PAXIP1: variants seen among roughly 807,000 people sequenced by gnomAD.
PAXIP1 encodes PAX-interacting protein 1.
In PAXIP1, 19 loss-of-function variants were observed where a neutral mutation model predicts 140.6. The observed-to-expected ratio is 0.14, with a 90% CI of 0.09 to 0.20. PAXIP1 has a LOEUF of 0.20. PAXIP1 is among the 10% of genes least tolerant of loss of function. The pLI is 1.00. For synonymous variants in PAXIP1, 442 were observed against 444.6 expected (o/e 0.99, Z 0.07); for missense variants, 920 against 1,208.6 (o/e 0.76, Z 3.54).
chr7:155,002,900 C>T lies in PAXIP1; in HGVS notation c.30G>A (p.Glu10=). The T allele has an allele frequency of 7.2e-7, 1 of 1,390,234 alleles. No individual in the cohort carries two copies. Among genetic ancestry groups the T allele is most frequent in the Non-Finnish European group, 9.5e-7 (1 of 1,049,082 alleles). The allele number at this position is 1,390,234 out of a possible 1,614,324, so 86.1% of individuals were successfully genotyped here. The change falls in exon 1 of 21, where the codon GAG becomes GAA. Residue 10 remains glutamate (E), a synonymous_variant. Coordinates refer to ENST00000404141, the MANE Select transcript of PAXIP1 (RefSeq NM_007349.4). ...AATACTTGACCTCCCTGAACATCTC[C>T]TCAGGAACTTTGGGCGCCTGGTCCG... The part of the protein sequence containing the change: MSDQAPKVP[E]EMFREVKYYA...
In PAXIP1 at chr7:154,973,164, T is replaced by C. The variant is rs1054735920; in HGVS notation, c.1074+2532A>G. 6.6e-6 allele frequency among the ~76,000 whole-genome samples: 1 copy of C among 152,208 alleles called. No individual in the cohort carries two copies. The highest frequency in any genetic ancestry group is 2.4e-5 in the African/African-American group (1 of 41,464). ...TGGACAATCCCTGGCCTTGCAGCTC[T>C]TGGACCTCCTCATCTTGGTGGCCTT... On this transcript the variant is annotated intron_variant, in intron 6 of 20. Coordinates refer to ENST00000404141, the MANE Select transcript of PAXIP1 (RefSeq NM_007349.4). This position sits in a 1 kb window ranked among gnomAD's most constrained non-coding sequence, Gnocchi z 4.0.
At chr7:154,987,679 G>A (rs138028637) in intron 4 of PAXIP1, among the ~76,000 whole-genome samples, 30 of 152,254 alleles carry the variant, frequency 2.0e-4, no homozygotes, top group Non-Finnish European at 2.4e-4. Context: ...CTCCTTCAGC[G>A]GTGCTGCCAC....
chr7:154,962,462 T>TCAAA lies in PAXIP1; in HGVS notation c.1990-8_1990-5dup. 6.2e-7 allele frequency: 1 copy of TCAAA among 1,611,030 alleles called. No homozygotes were observed. Among genetic ancestry groups the TCAAA allele is most frequent in the East Asian group, 2.2e-5 (1 of 44,858 alleles). On this transcript the variant is annotated splice_polypyrimidine_tract_variant and splice_region_variant and intron_variant, in intron 9 of 20. Coordinates refer to ENST00000404141, the MANE Select transcript of PAXIP1 (RefSeq NM_007349.4). The stretch of plus-strand genomic sequence containing the variant: ...ATCTCTTTCTTTCTCTTATTGCCTG[T>TCAAA]CAAACATAAAATTATAGGTTTGTTG...
intron 2 of PAXIP1, 129 bp from the exon 3 acceptor site, chr7:154,993,898 G>C: frequency 1.5e-6 from 1 of 645,448 alleles, no homozygotes; most frequent in South Asian, 2.0e-5. Flanking sequence ...TTACAAGTAT[G>C]AATATTCAAA....
At chr7:154,999,336 G>A (rs1279393188) in intron 1 of PAXIP1, among the ~76,000 whole-genome samples, 2 of 152,214 alleles carry the variant, frequency 1.3e-5, no homozygotes, top group East Asian at 3.8e-4. Flanking sequence ...AAAAAAGTCT[G>A]TGCTTCATTC....
intron 16 of PAXIP1, chr7:154,951,441 G>A (rs1808272352): frequency 6.6e-6 from 1 of 152,140 alleles, no homozygotes; most frequent in East Asian, 1.9e-4. Context: ...TGTACTTTCT[G>A]TAATTTTGCT....
At chr7:154,993,026 G>T (rs1810420704) in intron 3 of PAXIP1, among the ~76,000 whole-genome samples, 1 of 152,202 alleles carries the variant, frequency 6.6e-6, no homozygotes, top group Admixed American at 6.5e-5. Flanking sequence ...TCAGGTACTT[G>T]CAAAAGAAAT....
intron 20 of PAXIP1, chr7:154,945,590 G>C (rs1807922998): frequency 1.0e-6 from 1 of 983,936 alleles, no homozygotes; most frequent in African/African-American, 1.8e-5. Flanking sequence ...ACTGGTCAGA[G>C]GTGGCAGAGG....
intron 5 of PAXIP1, among the ~76,000 whole-genome samples, chr7:154,977,777 GA>G (rs1200929124): frequency 2.6e-5 from 4 of 151,226 alleles, no homozygotes; most frequent in Admixed American, 1.3e-4. Context: ...AGGGCAAAGG[GA>G]AAAAACATAT....
rs35027196 is a variant in PAXIP1 at position 154,957,973 on chromosome 7, CAAAAAA to C, written c.2479-685_2479-680del. On this transcript the variant is annotated intron_variant, in intron 13 of 20. Transcript: ENST00000404141. ...TGGGCGACAGAGCGAGACTCCGTCT[CAAAAAA>C]AAAAAAAAAAAAAAGAATGTGGAAA... Among the ~76,000 whole-genome samples the C allele has an allele frequency of 4.5e-3, 417 of 91,720 alleles. 4 individuals carry two copies. The highest frequency in any genetic ancestry group is 0.018 in the African/African-American group (406 of 22,542). The allele number at this position is 91,720 out of a possible 152,430, so 60.2% of individuals were successfully genotyped here.
chr7:154,988,453 C>T (rs186723120), intron 4 of PAXIP1, among the ~76,000 whole-genome samples: 75 of 152,244 alleles, frequency 4.9e-4, no homozygotes, highest in African/African-American at 1.4e-3. Flanking sequence ...TATAATATAA[C>T]AATTTGTTAC....
intron 1 of PAXIP1, among the ~76,000 whole-genome samples, chr7:155,002,600 T>C (rs946731783): frequency 7.3e-5 from 11 of 151,590 alleles, no homozygotes; most frequent in Admixed American, 6.6e-5. Flanking sequence ...GGCCGGGGGC[T>C]CAGGGCGCGC....
intron 6 of PAXIP1, among the ~76,000 whole-genome samples, chr7:154,971,838 C>A (rs1809346714): frequency 6.6e-6 from 1 of 152,232 alleles, no homozygotes; most frequent in Admixed American, 6.5e-5. Context: ...TAATGTTCAA[C>A]TAAATCTGTC....
chr7:154,953,569 C>T (rs554657584), intron 16 of PAXIP1, among the ~76,000 whole-genome samples: 5 of 152,242 alleles, frequency 3.3e-5, no homozygotes, highest in South Asian at 2.1e-4. Flanking sequence ...ACCTAGATGA[C>T]GCACTGGGGA....
chr7:154,957,110 C>G (rs767624933), intron 14 of PAXIP1, 114 bp downstream of exon 14: 13 of 573,642 alleles, frequency 2.3e-5, no homozygotes, highest in Non-Finnish European at 3.7e-5. Flanking sequence ...AAAGCAAACT[C>G]TTTCAAATCT....
chr7:154,947,412 CA>C (rs200524395), intron 17 of PAXIP1: 2 of 155,034 alleles, frequency 1.3e-5, no homozygotes, highest in Admixed American at 6.3e-5. Flanking sequence ...TTCTTTGGTA[CA>C]AAAAAAATTC....
At chr7:155,002,161 T>A (rs966670523) in intron 1 of PAXIP1, 2 of 152,250 alleles carry the variant, frequency 1.3e-5, no homozygotes, top group East Asian at 3.8e-4. Flanking sequence ...AAACCCACAA[T>A]ATCCTTTGGC....
At chr7:154,961,160 G>A in intron 11 of PAXIP1, 83 bp from the exon 12 acceptor site, 1 of 1,156,190 alleles carries the variant, frequency 8.6e-7, no homozygotes, top group Non-Finnish European at 1.2e-6. Context: ...TCCAACAAAA[G>A]GCAATAAAAA....
At chr7:155,002,711 A>G in intron 1 of PAXIP1, 138 bp downstream of exon 1, 1 of 355,990 alleles carries the variant, frequency 2.8e-6, no homozygotes, top group Non-Finnish European at 4.4e-6. Context: ...CCCTCAGCGC[A>G]GTCAGGCCAG....
Sources: gnomAD v4.1 joint callset for allele counts (sites outside exome capture counted in the v4.1 genomes callset) on GRCh38, gnomAD v4.1.1 for gene constraint, Gnocchi (gnomAD v3.1) non-coding constraint, MANE v1.5 for transcripts, NCBI Gene and HGNC (gene_info 2026-07-23, HGNC 2026-07-21) for gene names.